The following LRRC7 variants were observed in gnomAD, a reference collection of about 807,000 sequenced individuals.
LRRC7 encodes leucine rich repeat containing 7, also known as leucine-rich repeat-containing protein 7.
Under a neutral mutation model 175.7 loss-of-function variants are expected in LRRC7, and 23 were observed. That is an observed-to-expected ratio of 0.13 (90% CI 0.09 to 0.19). The LOEUF (loss-of-function observed/expected upper bound fraction) is 0.19, where lower values mean the gene tolerates loss of function less well. Among genes scored for constraint, LRRC7 ranks in the 10% least tolerant of loss-of-function variants. The pLI, the probability that LRRC7 is intolerant of heterozygous loss-of-function variation, is 1.00. For missense variants in LRRC7, 1,354 were observed against 1,904.7 expected, an observed-to-expected ratio of 0.71 and a Z score of 5.38; for synonymous variants, 685 against 680.9, an observed-to-expected ratio of 1.01 and a Z score of -0.09.
At chr1:69,918,673 A>G (rs557003384) in intron 7 of LRRC7, among the ~76,000 whole-genome samples, 9 of 152,336 alleles carry the variant, frequency 5.9e-5, no homozygotes, top group African/African-American at 1.9e-4. Context: ...GTAATATTTT[A>G]AAGGTACAAA....
chr1:69,740,422 G>C (rs1668586017), intron 2 of LRRC7, among the ~76,000 whole-genome samples: 1 of 151,980 alleles, frequency 6.6e-6, no homozygotes, highest in South Asian at 2.1e-4. Context: ...CCTCTCTAAA[G>C]GCTGTTAAAA....
chr1:69,914,829 T>C (rs2101713410), intron 7 of LRRC7, among the ~76,000 whole-genome samples: 1 of 152,234 alleles, frequency 6.6e-6, no homozygotes, highest in East Asian at 1.9e-4. Context: ...ATAACAATGG[T>C]AGAATTGAGT....
chr1:69,821,267 C>T (rs1003549531), intron 4 of LRRC7, among the ~76,000 whole-genome samples: 1 of 152,062 alleles, frequency 6.6e-6, no homozygotes, highest in African/African-American at 2.4e-5. Context: ...TTCTTCATTC[C>T]TTTTCATTCT....
chr1:69,971,246 T>C (rs1449640563), intron 8 of LRRC7, among the ~76,000 whole-genome samples: 4 of 152,144 alleles, frequency 2.6e-5, no homozygotes, highest in Non-Finnish European at 5.9e-5. Flanking sequence ...TCACCATTCC[T>C]TTTCACCATA....
intron 22 of LRRC7, 67 bp downstream of exon 22, chr1:70,044,161 G>A: frequency 1.3e-6 from 2 of 1,547,068 alleles, no homozygotes; most frequent in Non-Finnish European, 1.8e-6. Context: ...TTCACTTAAT[G>A]TGTTTAGGCT....
intron 2 of LRRC7, among the ~76,000 whole-genome samples, chr1:69,701,146 C>A (rs952299999): frequency 2.0e-5 from 3 of 152,068 alleles, no homozygotes; most frequent in African/African-American, 7.2e-5. Context: ...CAGACCAAAC[C>A]TCAATAAACT....
intron 20 of LRRC7, among the ~76,000 whole-genome samples, chr1:70,037,488 T>A (rs929211547): frequency 6.6e-6 from 1 of 152,220 alleles, no homozygotes; most frequent in African/African-American, 2.4e-5. Context: ...ATTTACATTC[T>A]ACAAAACATA....
intron 2 of LRRC7, among the ~76,000 whole-genome samples, chr1:69,747,276 G>A (rs1048325006): frequency 1.3e-5 from 2 of 152,114 alleles, no homozygotes; most frequent in African/African-American, 4.8e-5. Flanking sequence ...AAATGATAAG[G>A]AAAGTAACTC....
In LRRC7 at chr1:70,028,197, A is replaced by T; in HGVS notation, c.1821A>T (p.Pro607=). The change falls in exon 18 of 27, where the codon CCA becomes CCT. Residue 607 remains proline, a synonymous_variant. Coordinates refer to ENST00000651989, the MANE Select transcript of LRRC7 (RefSeq NM_001370785.2). ...TTGAAATAAACCTAAAACGATATCC[A>T]ACTCCTTACCCAGAGGATTTAAAGA... ...RQVEINLKRY[P]TPYPEDLKNM... 1 of 1,613,702 alleles carries T rather than the reference A, an allele frequency of 6.2e-7. No individual in the cohort carries two copies. The highest frequency in any genetic ancestry group is 1.3e-5 in the African/African-American group (1 of 75,048).
intron 1 of LRRC7, among the ~76,000 whole-genome samples, chr1:69,639,233 G>A (rs961802519): frequency 1.3e-5 from 2 of 151,572 alleles, no homozygotes; most frequent in African/African-American, 4.8e-5. Context: ...GTTATTAAAG[G>A]CTACCCAATG....
chr1:69,662,518 A>T (rs757079988), intron 1 of LRRC7, among the ~76,000 whole-genome samples: 10 of 152,188 alleles, frequency 6.6e-5, no homozygotes, highest in African/African-American at 9.6e-5. Context: ...GCCCTTACAA[A>T]TGAGGAATTT....
rs1350988058 is a variant in LRRC7, at chr1:69,939,023, ATATATATCTATATATATCTATATC to A, written c.711+7457_711+7480del. 2.8e-3 allele frequency among the ~76,000 whole-genome samples: 318 copies of A among 111,616 alleles called. 9 individuals are homozygous for A. Among genetic ancestry groups the A allele is most frequent in the East Asian group, 0.013 (43 of 3,406 alleles). The allele number at this position is 111,616 out of a possible 152,430, so 73.2% of individuals were successfully genotyped here. A position where few individuals can be genotyped will look rare whatever the true frequency, so the allele number is the denominator to read the frequency against. On this transcript the variant is annotated intron_variant, in intron 8 of 26. Transcript: ENST00000651989. ...TATATATATATATATATCTATATAT[ATATATATCTATATATATCTATATC>A]TATCTCACAGACATTGCCAGAAGTT...
At chr1:69,733,802 C>G (rs945795972) in intron 2 of LRRC7, among the ~76,000 whole-genome samples, 8 of 152,036 alleles carry the variant, frequency 5.3e-5, no homozygotes, top group Non-Finnish European at 1.2e-4. Flanking sequence ...GCATTTGGCT[C>G]TCTGCATCAG....
chr1:69,786,459 C>T (rs377760249), intron 3 of LRRC7, among the ~76,000 whole-genome samples: 11 of 150,856 alleles, frequency 7.3e-5, no homozygotes, highest in Middle Eastern at 6.8e-3. Context: ...TTTCATCCCT[C>T]TTATTTTTTC....
Position 70,137,601 on chromosome 1 carries a change from C to G in LRRC7, c.*15714C>G, listed in dbSNP as rs1230235984. The stretch of plus-strand genomic sequence containing the variant: ...AGTACCTAATAGACCCACCAGAGTT[C>G]AGTAAGAAATGCAACTTGAACAGCC... On this transcript the variant is annotated 3_prime_UTR_variant, in exon 27 of 27. Coordinates refer to ENST00000651989, the MANE Select transcript of LRRC7 (RefSeq NM_001370785.2). Among the ~76,000 whole-genome samples the G allele has an allele frequency of 6.6e-6, 1 of 152,140 alleles. No individual in the cohort carries two copies. The highest frequency in any genetic ancestry group is 2.4e-5 in the African/African-American group (1 of 41,422).
intron 11 of LRRC7, among the ~76,000 whole-genome samples, chr1:70,001,353 TAAGA>T (rs1241389684): frequency 6.6e-6 from 1 of 151,970 alleles, no homozygotes; most frequent in African/African-American, 2.4e-5. Flanking sequence ...AAATACAAAA[TAAGA>T]AATAGAGAAA....
Position 70,129,103 on chromosome 1 carries a change from C to A in LRRC7, c.*7216C>A, listed in dbSNP as rs749361163. ...TCTACTAAAAATATGAAAAATTAGCCGGGCATTGTGGCGCGCACCTGTAAT... is the reference window on the plus strand; with the variant it reads ...TCTACTAAAAATATGAAAAATTAGCAGGGCATTGTGGCGCGCACCTGTAAT... On this transcript the variant is annotated 3_prime_UTR_variant, in exon 27 of 27. Transcript: ENST00000651989. Among the ~76,000 whole-genome samples the A allele has an allele frequency of 6.6e-6, 1 of 151,918 alleles. No homozygotes were observed. The highest frequency in any genetic ancestry group is 1.9e-4 in the East Asian group (1 of 5,182).
chr1:69,939,682 G>A (rs1480897712), intron 8 of LRRC7, among the ~76,000 whole-genome samples: 1 of 152,060 alleles, frequency 6.6e-6, no homozygotes, highest in Non-Finnish European at 1.5e-5. Context: ...GTTGATTTTT[G>A]TGACTCCATT....
chr1:70,024,717 C>T (rs1657898985), intron 17 of LRRC7, among the ~76,000 whole-genome samples: 1 of 151,882 alleles, frequency 6.6e-6, no homozygotes, highest in Admixed American at 6.6e-5. Flanking sequence ...AGAAATTGCT[C>T]TTATATTTGG....
Sources: allele counts gnomAD v4.1 joint callset (sites outside exome capture counted in the v4.1 genomes callset), GRCh38; gene constraint gnomAD v4.1.1; transcripts MANE v1.5; gene names NCBI Gene and HGNC (gene_info 2026-07-23, HGNC 2026-07-21).